Variants in CCDC88A observed in about 807,000 individuals in gnomAD.
CCDC88A encodes coiled-coil and HOOK domain protein 88A.
In CCDC88A, 54 loss-of-function variants were observed where a neutral mutation model predicts 234.3. That is an observed-to-expected ratio of 0.23 (90% CI 0.19 to 0.29). The LOEUF (loss-of-function observed/expected upper bound fraction) is 0.29, where lower values mean the gene tolerates loss of function less well. Among genes scored for constraint, CCDC88A ranks in the 10% least tolerant of loss-of-function variants. CCDC88A has a pLI of 1.00. For synonymous variants in CCDC88A, 753 were observed against 737.8 expected, an observed-to-expected ratio of 1.02 and a Z score of -0.33; for missense variants, 1,832 against 2,123.4, an observed-to-expected ratio of 0.86 and a Z score of 2.70.
intron 5 of CCDC88A, among the ~76,000 whole-genome samples, chr2:55,371,862 T>C (rs1342894027): frequency 6.6e-6 from 1 of 152,078 alleles, no homozygotes; most frequent in Non-Finnish European, 1.5e-5. Flanking sequence ...AATATTACCC[T>C]ACCCAATCTC....
chr2:55,378,520 G>A (rs532963456), intron 3 of CCDC88A, among the ~76,000 whole-genome samples: 3 of 152,100 alleles, frequency 2.0e-5, no homozygotes, highest in African/African-American at 7.2e-5. Context: ...GGTAGGAAGT[G>A]AAACAAAAGT....
chr2:55,362,571 G>A (rs1188041889), intron 6 of CCDC88A, 123 bp from the exon 7 acceptor site: 1 of 655,698 alleles, frequency 1.5e-6, no homozygotes, highest in Non-Finnish European at 2.4e-6. Context: ...AAGCCAATAT[G>A]ATGTTAAAAG....
At chr2:55,291,978 A>C in intron 31 of CCDC88A, 1 of 419,602 alleles carries the variant, frequency 2.4e-6, no homozygotes, top group Non-Finnish European at 4.2e-6. Flanking sequence ...TAGGAAAGCT[A>C]TAATTTTTAA....
intron 2 of CCDC88A, among the ~76,000 whole-genome samples, chr2:55,392,528 A>T (rs1245862887): frequency 1.3e-5 from 2 of 152,204 alleles, no homozygotes; most frequent in African/African-American, 4.8e-5. Flanking sequence ...TTCTCCAGGA[A>T]GGCCTTTTAT....
chr2:55,341,671 T>C (rs1327036654), intron 12 of CCDC88A, among the ~76,000 whole-genome samples: 2 of 151,820 alleles, frequency 1.3e-5, no homozygotes, highest in African/African-American at 2.4e-5. Context: ...TCTTGAACTC[T>C]TGACCTCGTG....
chr2:55,343,814 G>A (rs758786861), intron 11 of CCDC88A, 22 bp from the exon 12 acceptor site: 3 of 1,568,252 alleles, frequency 1.9e-6, no homozygotes, highest in African/African-American at 1.4e-5. Context: ...GCAAGGATTA[G>A]GGAGAGAAAA....
At chr2:55,296,184 A>AAG in intron 30 of CCDC88A, 74 bp downstream of exon 30, 1 of 1,472,390 alleles carries the variant, frequency 6.8e-7, no homozygotes, top group Non-Finnish European at 9.1e-7. Context: ...AAAAAAAAAA[A>AAG]GCTCTGAAGT....
At chr2:55,307,939 ATAC>A (rs1324448654) in intron 25 of CCDC88A, 2 of 152,454 alleles carry the variant, frequency 1.3e-5, no homozygotes, top group Admixed American at 1.3e-4. Context: ...TAGGTGCACA[ATAC>A]TACAACGGGC....
At chr2:55,385,852 CAAAAAAAA>C (rs56233901) in intron 3 of CCDC88A, among the ~76,000 whole-genome samples, 13 of 62,476 alleles carry the variant, frequency 2.1e-4, no homozygotes, top group South Asian at 1.2e-3. Context: ...AACTCCATGT[CAAAAAAAA>C]AAAAAAAAAA....
chr2:55,327,270 T>C (rs1275191917), intron 17 of CCDC88A, among the ~76,000 whole-genome samples: 2 of 151,906 alleles, frequency 1.3e-5, no homozygotes, highest in East Asian at 3.9e-4. Context: ...TTGAAAAAAA[T>C]GACTATTTAG....
At chr2:55,339,727 G>T in intron 12 of CCDC88A, 79 bp from the exon 13 acceptor site, 3 of 1,153,428 alleles carry the variant, frequency 2.6e-6, no homozygotes, top group South Asian at 1.7e-5. Flanking sequence ...TTAAAAAGTT[G>T]AGTGTATATG....
chr2:55,415,035 C>A (rs1362775654), intron 2 of CCDC88A, among the ~76,000 whole-genome samples: 1 of 150,924 alleles, frequency 6.6e-6, no homozygotes, highest in Non-Finnish European at 1.5e-5. Context: ...CCACTGCACT[C>A]CCGCCTGGGC....
chr2:55,387,598 A>G (rs1328749613), intron 3 of CCDC88A, among the ~76,000 whole-genome samples: 1 of 151,954 alleles, frequency 6.6e-6, no homozygotes. Context: ...CCTAGCCAAC[A>G]TGGTGAAACC....
At chr2:55,385,753 T>C (rs1675474828) in intron 3 of CCDC88A, among the ~76,000 whole-genome samples, 1 of 139,584 alleles carries the variant, frequency 7.2e-6, no homozygotes, top group Non-Finnish European at 1.5e-5. Flanking sequence ...CTCAGGGGCC[T>C]GAGGCAGGAG....
rs1685338555 is a variant in CCDC88A at position 55,335,258 on chromosome 2, A to T, written c.1657-94T>A. The stretch of plus-strand genomic sequence containing the variant: ...AAACTACCAAGAAAAGGGGAACAAA[A>T]AAAGGGTGCTAGAACATGTCTTACT... On this transcript the variant is annotated intron_variant, in intron 14 of 32. Transcript: ENST00000436346. The surrounding 1 kb of genome is among the most constrained non-coding windows in gnomAD (Gnocchi z 4.5). The T allele has an allele frequency of 1.3e-6, 1 of 746,386 alleles. No homozygotes were observed. 46.2% of individuals were successfully genotyped at this position (746,386 alleles called of 1,614,324 possible).
intron 2 of CCDC88A, among the ~76,000 whole-genome samples, chr2:55,402,043 A>G (rs1364483217): frequency 1.3e-5 from 2 of 152,170 alleles, no homozygotes; most frequent in Non-Finnish European, 2.9e-5. Flanking sequence ...ATATTAAGTT[A>G]GCAGTTTTTT....
At chr2:55,415,994 T>A (rs1454416) in intron 2 of CCDC88A, among the ~76,000 whole-genome samples, 121,694 of 149,744 alleles carry the variant, frequency 0.81, 50,230 homozygotes, top group Admixed American at 0.9. Context: ...GGCATCAAAT[T>A]AAAAAAAAAA....
chr2:55,372,428 A>G (rs1354481154), intron 5 of CCDC88A, 24 bp downstream of exon 5: 3 of 1,231,582 alleles, frequency 2.4e-6, no homozygotes, highest in Non-Finnish European at 3.5e-6. Context: ...TAAAATGAAA[A>G]TATGAAAAAA....
chr2:55,337,004 C>A, intron 13 of CCDC88A, 186 bp from the exon 14 acceptor site: 1 of 438,960 alleles, frequency 2.3e-6, no homozygotes, highest in Non-Finnish European at 4.0e-6. Context: ...ATAAAATATG[C>A]AGACATGATT....
Sources: gnomAD v4.1 joint callset for allele counts (sites outside exome capture counted in the v4.1 genomes callset) on GRCh38, gnomAD v4.1.1 for gene constraint, Gnocchi (gnomAD v3.1) non-coding constraint, MANE v1.5 for transcripts, NCBI Gene and HGNC (gene_info 2026-07-23, HGNC 2026-07-21) for gene names.